GALNT17: variants seen among roughly 807,000 people sequenced by gnomAD.
GALNT17 encodes the protein polypeptide N-acetylgalactosaminyltransferase 17.
A neutral mutation model predicts 63.7 loss-of-function variants in GALNT17; 29 were observed. The ratio of observed to expected loss-of-function variants is 0.46; its 90% CI spans 0.34 to 0.62. The LOEUF is 0.62. Ranked by LOEUF, GALNT17 falls within the 20% of genes least tolerant of loss-of-function variation. The pLI, the probability that GALNT17 is intolerant of heterozygous loss-of-function variation, is 0.01. For missense variants in GALNT17, 603 were observed against 799.6 expected (o/e 0.75, Z 2.97); for synonymous variants, 305 against 318.3 (o/e 0.96, Z 0.45).
chr7:71,428,038 G>A lies in GALNT17; in HGVS notation c.962+6933G>A, dbSNP rs914139406. On this transcript the variant is annotated intron_variant, in intron 5 of 10. Transcript: ENST00000333538. The stretch of plus-strand genomic sequence containing the variant: ...GGTGCTGAAAAGGTTGGGGACTGCT[G>A]ATCTAGAGCATCCCTTTTGGTTTTG... Among the ~76,000 whole-genome samples the A allele has an allele frequency of 7.2e-5, 11 of 152,170 alleles. No homozygotes were observed. The East Asian group carries it at 2.1e-3, about 29-fold the overall frequency.
rs115454441 is a variant in GALNT17 at position 71,638,562 on chromosome 7, T to C, written c.1081-26849T>C. Reference sequence around the variant, plus strand: ...GGGTGGGATGTGGACGAAAAGGGCATCCCGATACAGACACGGCATGGGTAG... The same window carrying C: ...GGGTGGGATGTGGACGAAAAGGGCACCCCGATACAGACACGGCATGGGTAG... On this transcript the variant is annotated intron_variant, in intron 6 of 10. Transcript: ENST00000333538. Among the ~76,000 whole-genome samples, 1,257 of 152,192 alleles carry C rather than the reference T, an allele frequency of 8.3e-3. 20 individuals are homozygous for C. The highest frequency in any genetic ancestry group is 0.029 in the African/African-American group (1,196 of 41,516).
intron 5 of GALNT17, among the ~76,000 whole-genome samples, chr7:71,541,523 G>A (rs753420153): frequency 1.7e-4 from 26 of 152,088 alleles, no homozygotes; most frequent in South Asian, 4.2e-4. Context: ...ACTGTATTCC[G>A]GCCTGGGTGA....
At chr7:71,263,931 C>CA (rs1284424263) in intron 1 of GALNT17, among the ~76,000 whole-genome samples, 2 of 151,870 alleles carry the variant, frequency 1.3e-5, no homozygotes, top group African/African-American at 4.8e-5. Flanking sequence ...CCCAAAAAAA[C>CA]AAAAAAACAA....
At position 71,503,138 on chromosome 7, in the gene GALNT17, C is replaced by A. The variant is rs114835551; in HGVS notation, c.963-68147C>A. On this transcript the variant is annotated intron_variant, in intron 5 of 10. Transcript: ENST00000333538. ...ACAGCTATTAAATGCTGAAATCCTT[C>A]AAGACTCACACCTAGACTTCCTTGT... Among the ~76,000 whole-genome samples, 998 of 152,282 alleles carry A rather than the reference C, an allele frequency of 6.6e-3. 15 individuals carry two copies. The highest frequency in any genetic ancestry group is 0.023 in the African/African-American group (952 of 41,546).
chr7:71,545,007 T>C (rs1788958783), intron 5 of GALNT17, among the ~76,000 whole-genome samples: 1 of 152,206 alleles, frequency 6.6e-6, no homozygotes, highest in African/African-American at 2.4e-5. Context: ...TCACTACTGT[T>C]GGCAACAGGG....
intron 2 of GALNT17, among the ~76,000 whole-genome samples, chr7:71,359,096 G>T (rs991520630): frequency 6.6e-6 from 1 of 152,186 alleles, no homozygotes; most frequent in East Asian, 1.9e-4. Context: ...TACAAGATTT[G>T]TAGTTCAAAG....
intron 1 of GALNT17, among the ~76,000 whole-genome samples, chr7:71,159,708 C>CT (rs1788306007): frequency 6.7e-6 from 1 of 149,144 alleles, no homozygotes; most frequent in Non-Finnish European, 1.5e-5. Flanking sequence ...CCTGGGGCAT[C>CT]TGCTGTCACT....
At chr7:71,345,147 G>GTTTTTTTTTTTTTTTTTTTTTTTTT (rs67919212) in intron 2 of GALNT17, among the ~76,000 whole-genome samples, 1 of 139,450 alleles carries the variant, frequency 7.2e-6, no homozygotes. Flanking sequence ...GTTGTTTTTT[G>GTTTTTTTTTTTTTTTTTTTTTTTTT]TTTTTTTTTT....
At chr7:71,261,725 G>A (rs922245105) in intron 1 of GALNT17, among the ~76,000 whole-genome samples, 8 of 152,326 alleles carry the variant, frequency 5.3e-5, no homozygotes, top group South Asian at 4.1e-4. Context: ...CGTGACAACC[G>A]TAAGGAACAC....
chr7:71,551,771 AAAG>A (rs1344297827), intron 5 of GALNT17, among the ~76,000 whole-genome samples: 6 of 128,208 alleles, frequency 4.7e-5, no homozygotes, highest in Non-Finnish European at 6.9e-5. Flanking sequence ...AAAAAAAAAA[AAAG>A]AGAGAGAGAG....
intron 1 of GALNT17, among the ~76,000 whole-genome samples, chr7:71,334,744 C>G (rs534214760): frequency 1.3e-5 from 2 of 152,264 alleles, no homozygotes; most frequent in South Asian, 4.1e-4. Flanking sequence ...TTTTTCCTCT[C>G]CTCTGTGATT....
chr7:71,289,475 C>G (rs1790937696), intron 1 of GALNT17, among the ~76,000 whole-genome samples: 1 of 152,188 alleles, frequency 6.6e-6, no homozygotes, highest in Non-Finnish European at 1.5e-5. Flanking sequence ...TCACCTCATG[C>G]CTGTAATCCC....
chr7:71,453,680 A>G lies in GALNT17; in HGVS notation c.962+32575A>G, dbSNP rs578135500. ...CAATATTCATGGTTGACATTCTTTAATCACTATCCTGTGTATGTCAGATAG... is the reference window on the plus strand; with the variant it reads ...CAATATTCATGGTTGACATTCTTTAGTCACTATCCTGTGTATGTCAGATAG... On this transcript the variant is annotated intron_variant, in intron 5 of 10. Transcript: ENST00000333538. Among the ~76,000 whole-genome samples the G allele has an allele frequency of 1.7e-3, 255 of 152,342 alleles. 1 individual carries two copies. The highest frequency in any genetic ancestry group is 3.0e-3 in the Non-Finnish European group (207 of 68,028).
intron 5 of GALNT17, among the ~76,000 whole-genome samples, chr7:71,504,349 C>T (rs1191481927): frequency 1.3e-5 from 2 of 151,956 alleles, no homozygotes; most frequent in Admixed American, 6.6e-5. Context: ...GAGCCGAGAT[C>T]GTACCGCTGC....
chr7:71,460,385 A>T (rs943822260), intron 5 of GALNT17, among the ~76,000 whole-genome samples: 2 of 152,222 alleles, frequency 1.3e-5, no homozygotes, highest in African/African-American at 4.8e-5. Context: ...CCACCATCTC[A>T]AAAAACAAAA....
chr7:71,426,787 A>C (rs1377591894), intron 5 of GALNT17, among the ~76,000 whole-genome samples: 1 of 151,696 alleles, frequency 6.6e-6, no homozygotes, highest in Non-Finnish European at 1.5e-5. Flanking sequence ...GGGCATGGTG[A>C]TGCACACCTG....
chr7:71,560,973 G>A (rs544314769), intron 5 of GALNT17, among the ~76,000 whole-genome samples: 31 of 152,270 alleles, frequency 2.0e-4, no homozygotes, highest in Non-Finnish European at 3.2e-4. Context: ...AGAATTCACC[G>A]TTGCTGATGT....
intron 6 of GALNT17, among the ~76,000 whole-genome samples, chr7:71,592,810 G>T (rs1464904): frequency 0.87 from 132,777 of 152,068 alleles, 59,145 homozygotes; most frequent in East Asian, 0.99. Context: ...AGCAAGAAAA[G>T]TACTCATGCC....
At chr7:71,506,881 C>CA (rs1041714301) in intron 5 of GALNT17, among the ~76,000 whole-genome samples, 6 of 152,216 alleles carry the variant, frequency 3.9e-5, no homozygotes, top group African/African-American at 1.4e-4. Flanking sequence ...AAAGTAATGG[C>CA]AAAACCGCAG....
Sources: allele counts gnomAD v4.1 joint callset (sites outside exome capture counted in the v4.1 genomes callset), GRCh38; gene constraint gnomAD v4.1.1; transcripts MANE v1.5; gene names NCBI Gene and HGNC (gene_info 2026-07-23, HGNC 2026-07-21).